Variants in PTPRD observed in about 807,000 individuals in gnomAD.
PTPRD encodes protein tyrosine phosphatase receptor type D, also known as receptor-type tyrosine-protein phosphatase delta.
In PTPRD, 34 loss-of-function variants were observed where a neutral mutation model predicts 214.5. That is an observed-to-expected ratio of 0.16 (90% CI 0.12 to 0.21). The LOEUF (loss-of-function observed/expected upper bound fraction) is 0.21, where lower values mean the gene tolerates loss of function less well. PTPRD is among the 10% of genes least tolerant of loss of function. The pLI is 1.00. For synonymous variants in PTPRD, 1,128 were observed against 845.7 expected, an observed-to-expected ratio of 1.33 and a Z score of -5.79; for missense variants, 2,545 against 2,398.7, an observed-to-expected ratio of 1.06 and a Z score of -1.27.
At chr9:9,173,569 T>A (rs1406457520) in intron 10 of PTPRD, among the ~76,000 whole-genome samples, 1 of 152,172 alleles carries the variant, frequency 6.6e-6, no homozygotes, top group Non-Finnish European at 1.5e-5. Context: ...TATAGCTTAT[T>A]ACTCCTAGGC....
At chr9:8,983,690 T>C (rs1307782010) in intron 11 of PTPRD, among the ~76,000 whole-genome samples, 3 of 151,794 alleles carry the variant, frequency 2.0e-5, no homozygotes, top group African/African-American at 7.3e-5. Context: ...TTTTTCTTTT[T>C]TACTTTTTGT....
intron 3 of PTPRD, among the ~76,000 whole-genome samples, chr9:10,316,490 T>A (rs1035412311): frequency 6.6e-6 from 1 of 151,844 alleles, no homozygotes; most frequent in Non-Finnish European, 1.5e-5. Flanking sequence ...TAATATTGGA[T>A]AAATAACAGA....
At chr9:10,486,249 C>T (rs906902693) in intron 2 of PTPRD, among the ~76,000 whole-genome samples, 1 of 152,148 alleles carries the variant, frequency 6.6e-6, no homozygotes, top group African/African-American at 2.4e-5. Context: ...GTCATGAAGT[C>T]TTTGCCCACG....
intron 14 of PTPRD, among the ~76,000 whole-genome samples, chr9:8,574,034 C>T (rs925411788): frequency 6.6e-6 from 1 of 151,820 alleles, no homozygotes; most frequent in Non-Finnish European, 1.5e-5. Flanking sequence ...TTTCTGGTTC[C>T]TCCTCAGTAC....
intron 11 of PTPRD, among the ~76,000 whole-genome samples, chr9:8,828,214 T>C (rs1400861041): frequency 2.0e-5 from 3 of 152,208 alleles, no homozygotes; most frequent in Non-Finnish European, 4.4e-5. Context: ...AACATGACTA[T>C]GCACAATGGA....
intron 8 of PTPRD, among the ~76,000 whole-genome samples, chr9:9,479,661 T>C (rs1056339422): frequency 2.1e-4 from 32 of 152,130 alleles, no homozygotes; most frequent in African/African-American, 6.8e-4. Flanking sequence ...ATTTGATTGA[T>C]AATAAATGAT....
chr9:9,342,780 A>G (rs1165731253), intron 9 of PTPRD, among the ~76,000 whole-genome samples: 1 of 151,820 alleles, frequency 6.6e-6, no homozygotes, highest in Admixed American at 6.6e-5. Context: ...ATAAATAGGT[A>G]TACACGTGCC....
chr9:9,597,389 G>A (rs904474941), intron 7 of PTPRD, among the ~76,000 whole-genome samples: 1 of 151,940 alleles, frequency 6.6e-6, no homozygotes, highest in African/African-American at 2.4e-5. Flanking sequence ...ATGGGAACTG[G>A]CTTAAATTCC....
At chr9:9,603,095 G>A (rs548333998) in intron 7 of PTPRD, among the ~76,000 whole-genome samples, 1 of 152,130 alleles carries the variant, frequency 6.6e-6, no homozygotes, top group South Asian at 2.1e-4. Context: ...AGGATAAAAT[G>A]CTGCTAATAT....
intron 3 of PTPRD, among the ~76,000 whole-genome samples, chr9:10,119,904 T>C (rs2098761484): frequency 1.3e-5 from 2 of 152,026 alleles, no homozygotes; most frequent in African/African-American, 2.4e-5. Flanking sequence ...ATATCTAGTT[T>C]TCCAACGAAG....
At chr9:10,356,951 G>C (rs181392280) in intron 2 of PTPRD, among the ~76,000 whole-genome samples, 4 of 152,148 alleles carry the variant, frequency 2.6e-5, no homozygotes, top group African/African-American at 4.8e-5. Context: ...AAAGTGCTGG[G>C]ATTACAAGTG....
chr9:10,426,091 A>C (rs147887137), intron 2 of PTPRD, among the ~76,000 whole-genome samples: 2 of 152,152 alleles, frequency 1.3e-5, no homozygotes, highest in Non-Finnish European at 2.9e-5. Flanking sequence ...TAGAACAGAT[A>C]ATGATGCAAT....
chr9:9,186,826 A>T lies in PTPRD; in HGVS notation c.-202-3463T>A, dbSNP rs572101372. Among the ~76,000 whole-genome samples the T allele has an allele frequency of 1.7e-4, 26 of 152,172 alleles. No homozygotes were observed. In the South Asian group the frequency reaches 5.2e-3, roughly 30 times the overall value. ...TTTCATTTAGTGTGTTTTGCATTAA[A>T]AGAGCATAATCTTCTATTTTCTAAC... is the stretch of plus-strand genomic sequence containing the variant. On this transcript the variant is annotated intron_variant, in intron 9 of 45. Coordinates refer to ENST00000381196, the MANE Select transcript of PTPRD (RefSeq NM_002839.4).
intron 2 of PTPRD, among the ~76,000 whole-genome samples, chr9:10,608,998 TG>T (rs1052783015): frequency 2.0e-5 from 3 of 152,136 alleles, no homozygotes; most frequent in African/African-American, 7.2e-5. Flanking sequence ...CAAATGGCAT[TG>T]AACTGGGTAC....
At chr9:9,460,041 C>T (rs1360173499) in intron 8 of PTPRD, among the ~76,000 whole-genome samples, 1 of 152,010 alleles carries the variant, frequency 6.6e-6, no homozygotes, top group Non-Finnish European at 1.5e-5. Flanking sequence ...AATACAGCCA[C>T]ATACCTACAA....
intron 11 of PTPRD, among the ~76,000 whole-genome samples, chr9:8,888,057 A>C (rs1220215761): frequency 1.3e-5 from 2 of 152,218 alleles, no homozygotes; most frequent in Non-Finnish European, 2.9e-5. Flanking sequence ...ATTTAAAAGG[A>C]AGAATAATTA....
intron 10 of PTPRD, among the ~76,000 whole-genome samples, chr9:9,064,263 T>C (rs1394804842): frequency 1.3e-5 from 2 of 152,220 alleles, no homozygotes; most frequent in Non-Finnish European, 2.9e-5. Context: ...AGATACTATG[T>C]TTAGCAGGAT....
At chr9:10,600,210 C>A (rs554090106) in intron 2 of PTPRD, among the ~76,000 whole-genome samples, 173 of 151,490 alleles carry the variant, frequency 1.1e-3, no homozygotes, top group Non-Finnish European at 2.0e-3. Flanking sequence ...CTTTAAAGAT[C>A]TTTTTTAATT....
intron 8 of PTPRD, among the ~76,000 whole-genome samples, chr9:9,442,968 C>CAT (rs767427760): frequency 1.3e-5 from 2 of 152,056 alleles, no homozygotes; most frequent in East Asian, 3.8e-4. Context: ...TATGCACGTA[C>CAT]ATATATATGT....
Sources: gnomAD v4.1 joint callset for allele counts (sites outside exome capture counted in the v4.1 genomes callset) on GRCh38, gnomAD v4.1.1 for gene constraint, MANE v1.5 for transcripts, NCBI Gene and HGNC (gene_info 2026-07-23, HGNC 2026-07-21) for gene names.